ANK3: variants seen among roughly 807,000 people sequenced by gnomAD.
The protein encoded by ANK3 is ankyrin 3.
A neutral mutation model predicts 370.9 loss-of-function variants in ANK3; 57 were observed. The ratio of observed to expected loss-of-function variants is 0.15; its 90% CI spans 0.12 to 0.19. The LOEUF (loss-of-function observed/expected upper bound fraction) is 0.19, where lower values mean the gene tolerates loss of function less well. Among genes scored for constraint, ANK3 ranks in the 10% least tolerant of loss-of-function variants. ANK3 has a pLI of 1.00. For synonymous variants in ANK3, 1,929 were observed against 1,946.3 expected (o/e 0.99, Z 0.23); for missense variants, 4,439 against 5,302.1 (o/e 0.84, Z 5.06).
At chr10:60,496,752 A>T (rs1237244565) in intron 2 of ANK3, among the ~76,000 whole-genome samples, 1 of 143,152 alleles carries the variant, frequency 7.0e-6, no homozygotes, top group African/African-American at 2.6e-5. Flanking sequence ...AAAAAAAAAG[A>T]TCACCCTAAT....
chr10:60,454,448 G>T (rs550925289), intron 2 of ANK3, among the ~76,000 whole-genome samples: 58 of 152,164 alleles, frequency 3.8e-4, no homozygotes, highest in Non-Finnish European at 7.4e-4. Context: ...AATCTCTCCT[G>T]TGTCTCCCGG....
rs138456154 is a variant in ANK3, at chr10:60,724,416, A to T, written c.57+8847T>A. ...CAAGTATTACAATAGAATGTGATAT[A>T]TTTGCCCTCTTCCCCCCAAAATTTA... On this transcript the variant is annotated intron_variant, in intron 1 of 43. Transcript: ENST00000373827. 3.9e-4 allele frequency among the ~76,000 whole-genome samples: 60 copies of T among 152,080 alleles called. 1 individual carries two copies. The East Asian group carries it at 0.012, about 29-fold the overall frequency.
At chr10:60,364,153 G>A (rs1253574522) in intron 1 of ANK3, among the ~76,000 whole-genome samples, 3 of 151,710 alleles carry the variant, frequency 2.0e-5, no homozygotes, top group Admixed American at 6.6e-5. Context: ...AATTAGCCGG[G>A]CATGGTGGTG....
chr10:60,708,124 A>T (rs184983826), intron 1 of ANK3, among the ~76,000 whole-genome samples: 3 of 152,188 alleles, frequency 2.0e-5, no homozygotes, highest in African/African-American at 7.2e-5. Context: ...TTCCCACTTG[A>T]CTGTCTCATT....
intron 38 of ANK3, 142 bp downstream of exon 38, chr10:60,067,793 G>A: frequency 5.4e-6 from 3 of 558,452 alleles, no homozygotes; most frequent in East Asian, 2.9e-5. Flanking sequence ...ATTTATCTCT[G>A]GGTAGATAAA....
chr10:60,141,085 G>A (rs1291410753), intron 23 of ANK3: 1 of 945,602 alleles, frequency 1.1e-6, no homozygotes, highest in Non-Finnish European at 1.3e-6. Flanking sequence ...GAGAGAGGGA[G>A]GGCCTGCCCT....
At chr10:60,158,234 T>C (rs1168406395) in intron 23 of ANK3, among the ~76,000 whole-genome samples, 2 of 152,118 alleles carry the variant, frequency 1.3e-5, no homozygotes, top group African/African-American at 4.8e-5. Context: ...AGGGAGTTCT[T>C]CAGTATGAAA....
At chr10:60,098,272 C>G (rs771117742) in intron 28 of ANK3, among the ~76,000 whole-genome samples, 40 of 152,036 alleles carry the variant, frequency 2.6e-4, no homozygotes, top group Non-Finnish European at 5.6e-4. Context: ...TGTAGCAGAT[C>G]TAAGAAAATA....
At chr10:60,560,062 T>A (rs1335092221) in intron 2 of ANK3, among the ~76,000 whole-genome samples, 1 of 151,910 alleles carries the variant, frequency 6.6e-6, no homozygotes, top group East Asian at 1.9e-4. Flanking sequence ...GATAGATAGA[T>A]GGATAGAGAG....
chr10:60,290,123 G>A (rs139311331), intron 1 of ANK3, among the ~76,000 whole-genome samples: 13 of 152,260 alleles, frequency 8.5e-5, no homozygotes, highest in African/African-American at 1.7e-4. Flanking sequence ...ATTTCCCACC[G>A]ATTTCAGAAG....
chr10:60,279,647 A>C lies in ANK3; in HGVS notation c.115-8T>G, dbSNP rs186892622. 1.4e-4 allele frequency: 232 copies of C among 1,603,992 alleles called. 1 individual carries two copies. The African/African-American group carries it at 2.9e-3, about 20-fold the overall frequency. On this transcript the variant is annotated splice_polypyrimidine_tract_variant and splice_region_variant and intron_variant, in intron 1 of 43. Coordinates refer to ENST00000280772, the MANE Select transcript of ANK3 (RefSeq NM_020987.5). Reference sequence around the variant, plus strand: ...ACTTGCATTGGCATCAGACTAAAATAAAAAAGAAACACATTTTGATGAAAA... The same window carrying C: ...ACTTGCATTGGCATCAGACTAAAATCAAAAAGAAACACATTTTGATGAAAA...
intron 1 of ANK3, among the ~76,000 whole-genome samples, chr10:60,346,064 G>A (rs915604653): frequency 2.4e-4 from 37 of 151,914 alleles, no homozygotes; most frequent in African/African-American, 8.9e-4. Context: ...GCCACTAGAA[G>A]AAAAAACAAT....
intron 2 of ANK3, among the ~76,000 whole-genome samples, chr10:60,513,736 A>G (rs2076146637): frequency 6.6e-6 from 1 of 152,148 alleles, no homozygotes; most frequent in Non-Finnish European, 1.5e-5. Flanking sequence ...TAGCATATGG[A>G]AGGGGAAACA....
chr10:60,425,148 C>T (rs1312954810), intron 2 of ANK3, among the ~76,000 whole-genome samples: 5 of 151,902 alleles, frequency 3.3e-5, no homozygotes, highest in Non-Finnish European at 7.4e-5. Context: ...GGGTGGGGCA[C>T]GTGATGGAGT....
Position 60,071,335 on chromosome 10 carries a change from T to C in ANK3, c.9546A>G (p.Thr3182=). 6.2e-7 allele frequency: 1 copy of C among 1,614,094 alleles called. No individual in the cohort carries two copies. The highest frequency in any genetic ancestry group is 8.5e-7 in the Non-Finnish European group (1 of 1,180,010). Reference sequence around the variant, plus strand: ...CTATGAGCGAGTCAGGTGTCTTAGATGTAAATTCATAACTCACTTCCTCTG... The same window carrying C: ...CTATGAGCGAGTCAGGTGTCTTAGACGTAAATTCATAACTCACTTCCTCTG... ...PSSEEVSYEF[T]SKTPDSLIAY... is the part of the protein sequence containing the mutation. The change falls in exon 37 of 44, where the codon ACA becomes ACG. Residue 3182 remains threonine (T), a synonymous_variant. Transcript: ENST00000280772.
chr10:60,677,071 G>A (rs372191345), intron 1 of ANK3, among the ~76,000 whole-genome samples: 1 of 152,164 alleles, frequency 6.6e-6, no homozygotes, highest in East Asian at 1.9e-4. Flanking sequence ...AAGTGATTTT[G>A]TTATCAGCTC....
In ANK3 at chr10:60,032,194, C is replaced by CTTTTTTTTTTT. The variant is rs552219776; in HGVS notation, c.*20-2379_*20-2369dup. 7.0e-3 allele frequency among the ~76,000 whole-genome samples: 303 copies of CTTTTTTTTTTT among 43,120 alleles called. 78 individuals are homozygous for CTTTTTTTTTTT. The highest frequency in any genetic ancestry group is 0.02 in the Middle Eastern group (1 of 50). The allele number at this position is 43,120 out of a possible 152,430, so 28.3% of individuals were successfully genotyped here. A position where few individuals can be genotyped will look rare whatever the true frequency, so the allele number is the denominator to read the frequency against. The stretch of plus-strand genomic sequence containing the variant: ...TTCAGCTATTATAAATACACAGCTT[C>CTTTTTTTTTTT]TTTTTTTTTTTTTTTTTTTTTTTTT... On this transcript the variant is annotated intron_variant, in intron 43 of 43. Coordinates refer to ENST00000280772, the MANE Select transcript of ANK3 (RefSeq NM_020987.5).
chr10:60,271,561 C>T (rs533854949), intron 4 of ANK3, among the ~76,000 whole-genome samples: 1 of 151,878 alleles, frequency 6.6e-6, no homozygotes, highest in African/African-American at 2.4e-5. Flanking sequence ...ACTGAATGTT[C>T]CAGAAATTTT....
chr10:60,424,329 G>T (rs1345536157), intron 2 of ANK3, among the ~76,000 whole-genome samples: 2 of 152,030 alleles, frequency 1.3e-5, no homozygotes, highest in South Asian at 2.1e-4. Context: ...ACCAATAAGA[G>T]AATCTAGAAA....
Sources: gnomAD v4.1 joint callset for allele counts (sites outside exome capture counted in the v4.1 genomes callset) on GRCh38, gnomAD v4.1.1 for gene constraint, MANE v1.5 for transcripts, NCBI Gene and HGNC (gene_info 2026-07-23, HGNC 2026-07-21) for gene names.